KLHL7: variants seen among roughly 807,000 people sequenced by gnomAD.
KLHL7 encodes the protein kelch like family member 7, also known as kelch-like protein 7.
Under a neutral mutation model 67.4 loss-of-function variants are expected in KLHL7, and 44 were observed. That is an observed-to-expected ratio of 0.65 (90% CI 0.51 to 0.84). The LOEUF is 0.84. KLHL7 is among the 40% of genes least tolerant of loss of function. KLHL7 has a pLI of 0.00. For missense variants in KLHL7, 362 were observed against 718.1 expected (o/e 0.50, Z 5.67); for synonymous variants, 252 against 243.3 (o/e 1.04, Z -0.33).
chr7:23,130,798 GA>G (rs1783771622), intron 4 of KLHL7, among the ~76,000 whole-genome samples: 1 of 152,034 alleles, frequency 6.6e-6, no homozygotes, highest in Admixed American at 6.5e-5. Context: ...AAGAAAGAAA[GA>G]AAAAAGATTA....
At chr7:23,170,443 A>G (rs1015959510) in intron 9 of KLHL7, among the ~76,000 whole-genome samples, 2 of 152,250 alleles carry the variant, frequency 1.3e-5, no homozygotes. Flanking sequence ...AATGATGGTT[A>G]TCAGAGGTTG....
At chr7:23,126,707 A>C (rs1783587283) in intron 4 of KLHL7, among the ~76,000 whole-genome samples, 1 of 152,150 alleles carries the variant, frequency 6.6e-6, no homozygotes, top group South Asian at 2.1e-4. Context: ...GCACAGAGAG[A>C]GAGATCTTGG....
chr7:23,165,163 A>G (rs1260102276), intron 7 of KLHL7, among the ~76,000 whole-genome samples: 4 of 152,240 alleles, frequency 2.6e-5, no homozygotes, highest in East Asian at 3.8e-4. Flanking sequence ...CAACAGTTTT[A>G]AAGTCCAGCT....
chr7:23,142,945 G>T (rs75239735), intron 5 of KLHL7, among the ~76,000 whole-genome samples: 5,767 of 152,138 alleles, frequency 0.038, 125 homozygotes, highest in Middle Eastern at 0.085. Flanking sequence ...CATTAGTTAT[G>T]ACAAATATAC....
chr7:23,171,381 G>A (rs948279669), intron 9 of KLHL7, among the ~76,000 whole-genome samples: 2 of 152,144 alleles, frequency 1.3e-5, no homozygotes, highest in African/African-American at 2.4e-5. Flanking sequence ...GTATGTAAAT[G>A]GAATTTTTCC....
chr7:23,116,461 T>TCACA (rs1341280560), intron 1 of KLHL7, among the ~76,000 whole-genome samples: 1 of 152,274 alleles, frequency 6.6e-6, no homozygotes, highest in Non-Finnish European at 1.5e-5. Flanking sequence ...TTTTCCTCTG[T>TCACA]GGTACATCTG....
At chr7:23,140,651 G>A (rs778414215) in intron 4 of KLHL7, 118 bp from the exon 5 acceptor site, 2 of 805,156 alleles carry the variant, frequency 2.5e-6, no homozygotes, top group Non-Finnish European at 4.2e-6. Context: ...AAACAGAAAC[G>A]GATCCAGATT....
chr7:23,149,039 T>TA (rs1784450066), intron 6 of KLHL7, among the ~76,000 whole-genome samples: 1 of 151,608 alleles, frequency 6.6e-6, no homozygotes, highest in African/African-American at 2.4e-5. Flanking sequence ...CTTTCCAGAG[T>TA]AGAAGAAAAA....
At chr7:23,125,723 T>A in intron 4 of KLHL7, 1 of 1,457,726 alleles carries the variant, frequency 6.9e-7, no homozygotes, top group East Asian at 2.5e-5. Context: ...TATAGCCATT[T>A]TGAAGCTATT....
intron 6 of KLHL7, among the ~76,000 whole-genome samples, chr7:23,149,704 A>G (rs770569325): frequency 6.6e-6 from 1 of 152,200 alleles, no homozygotes; most frequent in Non-Finnish European, 1.5e-5. Context: ...AGGATTATAA[A>G]ATAAACAAAG....
At chr7:23,163,213 C>G (rs982309057) in intron 7 of KLHL7, among the ~76,000 whole-genome samples, 1 of 152,030 alleles carries the variant, frequency 6.6e-6, no homozygotes, top group Non-Finnish European at 1.5e-5. Context: ...TCTTGTTGCT[C>G]AGGCTGGAGT....
At chr7:23,170,038 T>G (rs889127499) in intron 9 of KLHL7, among the ~76,000 whole-genome samples, 2 of 152,124 alleles carry the variant, frequency 1.3e-5, no homozygotes, top group Non-Finnish European at 2.9e-5. Flanking sequence ...GGTGAAACTC[T>G]GTCTCGTCTA....
chr7:23,154,791 A>C lies in KLHL7; in HGVS notation c.936+2582A>C, dbSNP rs189572534. 7.2e-5 allele frequency among the ~76,000 whole-genome samples: 11 copies of C among 152,320 alleles called. No homozygotes were observed. In the East Asian group the frequency reaches 1.5e-3, roughly 21 times the overall value. ...AGAAACAGAAATATGCGTTAGCCAA[A>C]GTGTTAGCTATATGGCAAGTTTTCC... On this transcript the variant is annotated intron_variant, in intron 7 of 10. Coordinates refer to ENST00000339077, the MANE Select transcript of KLHL7 (RefSeq NM_001031710.3).
intron 9 of KLHL7, among the ~76,000 whole-genome samples, chr7:23,172,415 A>G (rs1038466616): frequency 2.1e-4 from 32 of 152,210 alleles, no homozygotes; most frequent in Non-Finnish European, 4.0e-4. Flanking sequence ...AGCAGCATAA[A>G]GTTCTTAGTG....
intron 7 of KLHL7, among the ~76,000 whole-genome samples, chr7:23,155,487 A>G (rs1041755823): frequency 1.3e-5 from 2 of 152,000 alleles, no homozygotes; most frequent in African/African-American, 4.8e-5. Context: ...ACATGGTGAA[A>G]CCCCATCTCT....
chr7:23,127,178 A>G (rs1257263418), intron 4 of KLHL7, among the ~76,000 whole-genome samples: 1 of 152,196 alleles, frequency 6.6e-6, no homozygotes, highest in African/African-American at 2.4e-5. Context: ...TCCTGGGGTG[A>G]TTCAACTACA....
In KLHL7 at chr7:23,108,077, T is replaced by C. The variant is rs1373810392; in HGVS notation, c.120+1931T>C. 2.0e-5 allele frequency among the ~76,000 whole-genome samples: 3 copies of C among 152,228 alleles called. No homozygotes were observed. The South Asian group carries it at 6.2e-4, about 32-fold the overall frequency. On this transcript the variant is annotated intron_variant, in intron 1 of 10. Transcript: ENST00000339077. The stretch of plus-strand genomic sequence containing the variant: ...TCTTGTTCTTTAGTAAATATTTTTG[T>C]GTTATGACTACTTTTACATCCCTTT...
chr7:23,130,808 T>G (rs3735228), intron 4 of KLHL7, among the ~76,000 whole-genome samples: 66,630 of 151,976 alleles, frequency 0.44, 16,203 homozygotes, highest in African/African-American at 0.66. Flanking sequence ...GAAAAAAGAT[T>G]AAGAGTAAAC....
Position 23,169,228 on chromosome 7 carries a change from C to T in KLHL7, c.1379+1191C>T, listed in dbSNP as rs140721650. 3.6e-3 allele frequency among the ~76,000 whole-genome samples: 547 copies of T among 151,448 alleles called. 2 individuals carry two copies. Among genetic ancestry groups the T allele is most frequent in the African/African-American group, 0.012 (490 of 41,202 alleles). On this transcript the variant is annotated intron_variant, in intron 9 of 10. Coordinates refer to ENST00000339077, the MANE Select transcript of KLHL7 (RefSeq NM_001031710.3). ...GAGCCAAGATTGTGCCACAGCACTC[C>T]GGCCTGGGTGACAGAGCAAGACTCC...
Sources: gnomAD v4.1 joint callset for allele counts (sites outside exome capture counted in the v4.1 genomes callset) on GRCh38, gnomAD v4.1.1 for gene constraint, MANE v1.5 for transcripts, NCBI Gene and HGNC (gene_info 2026-07-23, HGNC 2026-07-21) for gene names.